Variants in CUX1 observed in about 807,000 individuals in gnomAD.
The protein encoded by CUX1 is cut like homeobox 1.
CUX1 carries 31 observed loss-of-function variants against 158.8 expected under a neutral mutation model. The ratio of observed to expected loss-of-function variants is 0.20; its 90% confidence interval spans 0.15 to 0.26. The LOEUF (loss-of-function observed/expected upper bound fraction) is 0.26, where lower values mean the gene tolerates loss of function less well. Among genes scored for constraint, CUX1 ranks in the 10% least tolerant of loss-of-function variants. The pLI is 1.00. For missense variants in CUX1, 1,589 were observed against 2,014.6 expected (o/e 0.79, Z 4.04); for synonymous variants, 879 against 862.1 (o/e 1.02, Z -0.34).
At chr7:102,282,667 G>A in intron 21 of CUX1, 3 of 1,599,546 alleles carry the variant, frequency 1.9e-6, no homozygotes, top group Non-Finnish European at 2.6e-6. Context: ...CTGCAGGGGT[G>A]GCCTTGAGGC....
chr7:102,182,661 A>G (rs1793221392), intron 11 of CUX1, among the ~76,000 whole-genome samples: 1 of 152,218 alleles, frequency 6.6e-6, no homozygotes, highest in Non-Finnish European at 1.5e-5. Flanking sequence ...GCATAGTGCC[A>G]CTTGTAAAGA....
In CUX1 at chr7:102,081,740, C is replaced by G. The variant is rs146051865; in HGVS notation, c.268+11323C>G. 2.2e-3 allele frequency among the ~76,000 whole-genome samples: 315 copies of G among 146,294 alleles called. 28 individuals are homozygous for G. The South Asian group carries it at 0.036, about 17-fold the overall frequency. ...CTCCTCCTCCTGGGTTCAAGCGATTCTCCTCCCTCAGCCTCCCTGGGATTA... is the reference window on the plus strand; with the variant it reads ...CTCCTCCTCCTGGGTTCAAGCGATTGTCCTCCCTCAGCCTCCCTGGGATTA... On this transcript the variant is annotated intron_variant, in intron 4 of 23. Transcript: ENST00000292535.
At chr7:102,208,025 A>C (rs781950719) in intron 20 of CUX1, among the ~76,000 whole-genome samples, 2 of 151,886 alleles carry the variant, frequency 1.3e-5, no homozygotes, top group African/African-American at 4.8e-5. Flanking sequence ...CCATCTCTAC[A>C]AAAAATGCAA....
intron 6 of CUX1, among the ~76,000 whole-genome samples, chr7:102,105,910 A>G (rs1204218281): frequency 7.2e-5 from 11 of 151,912 alleles, no homozygotes; most frequent in Admixed American, 5.9e-4. Flanking sequence ...GAAAAAAAAG[A>G]TACTGAATTT....
At chr7:102,072,117 A>T (rs1360362712) in intron 4 of CUX1, among the ~76,000 whole-genome samples, 1 of 152,240 alleles carries the variant, frequency 6.6e-6, no homozygotes, top group African/African-American at 2.4e-5. Context: ...GACAAAATGC[A>T]CAAAGCAAGG....
Position 102,252,192 on chromosome 7 carries a change from T to A in CUX1, c.*3150T>A, listed in dbSNP as rs1801588003. On this transcript the variant is annotated 3_prime_UTR_variant, in exon 24 of 24. Transcript: ENST00000292535. ...AAGCTAGCACTGTCTGTAATACTTCTAAGAGCTGCCACTAAAATAATACAG... is the reference window on the plus strand; with the variant it reads ...AAGCTAGCACTGTCTGTAATACTTCAAAGAGCTGCCACTAAAATAATACAG... 1.0e-6 allele frequency: 1 copy of A among 985,468 alleles called. No individual in the cohort carries two copies. The highest frequency in any genetic ancestry group is 4.7e-5 in the South Asian group (1 of 21,288). 61.0% of individuals were successfully genotyped at this position (985,468 alleles called of 1,614,324 possible). A position where few individuals can be genotyped will look rare whatever the true frequency, so the allele number is the denominator to read the frequency against.
At chr7:102,196,187 A>C (rs940629174) in intron 14 of CUX1, among the ~76,000 whole-genome samples, 4 of 152,214 alleles carry the variant, frequency 2.6e-5, no homozygotes, top group East Asian at 3.9e-4. Flanking sequence ...GCGCGCCTCC[A>C]CATCGAGGGG....
chr7:102,242,565 T>C (rs1396219016), intron 23 of CUX1, among the ~76,000 whole-genome samples: 1 of 152,218 alleles, frequency 6.6e-6, no homozygotes, highest in Non-Finnish European at 1.5e-5. Context: ...CTCCTGCAAT[T>C]CACATCCATT....
chr7:101,927,147 AACACACACACACAC>A (rs10584842), intron 2 of CUX1, among the ~76,000 whole-genome samples: 1 of 149,488 alleles, frequency 6.7e-6, no homozygotes, highest in African/African-American at 2.5e-5. Flanking sequence ...CTGTCAACAC[AACACACACACACAC>A]ACACACACAC....
chr7:102,049,343 G>A (rs10242721), intron 3 of CUX1, among the ~76,000 whole-genome samples: 10,428 of 152,252 alleles, frequency 0.068, 559 homozygotes, highest in African/African-American at 0.15. Context: ...AGCTCAGCCC[G>A]GAGGGGAGAG....
intron 12 of CUX1, 112 bp from the exon 13 acceptor site, chr7:102,193,730 G>A: frequency 1.9e-6 from 2 of 1,059,236 alleles, no homozygotes; most frequent in Non-Finnish European, 2.8e-6. Flanking sequence ...GCTTGAACCT[G>A]GGCAGAGGTT....
chr7:101,914,939 G>A (rs1234164535), intron 1 of CUX1, among the ~76,000 whole-genome samples: 1 of 152,184 alleles, frequency 6.6e-6, no homozygotes, highest in Admixed American at 6.5e-5. Flanking sequence ...AGGAAAGCCT[G>A]TGGGACTTGG....
upstream of CUX1, chr7:101,816,131 G>A: frequency 1.6e-6 from 2 of 1,232,438 alleles, no homozygotes; most frequent in Non-Finnish European, 2.1e-6. Context: ...GCCCGGGGGT[G>A]GGGGCTGCGG....
At chr7:102,131,867 T>TC (rs1342257334) in intron 8 of CUX1, among the ~76,000 whole-genome samples, 52 of 152,096 alleles carry the variant, frequency 3.4e-4, no homozygotes, top group African/African-American at 1.3e-3. Context: ...AGATGGGGTT[T>TC]CACCATGTTG....
In CUX1 at chr7:101,869,702, G is replaced by A. The variant is rs529799184; in HGVS notation, c.31-46413G>A. Among the ~76,000 whole-genome samples, 1 of 152,158 alleles carries A rather than the reference G, an allele frequency of 6.6e-6. No individual in the cohort carries two copies. The highest frequency in any genetic ancestry group is 1.5e-5 in the Non-Finnish European group (1 of 68,016). On this transcript the variant is annotated intron_variant, in intron 1 of 23. Transcript: ENST00000292535. The surrounding 1 kb of genome is among the most constrained non-coding windows in gnomAD (Gnocchi z 4.5). ...CACCATGGAAGACGGCAGGACACAC[G>A]TGCGAGCCACAGCAGGTGGGCGGGA...
At chr7:101,816,264 C>T (rs1278888191), upstream of CUX1, among the ~76,000 whole-genome samples, 3 of 145,418 alleles carry the variant, frequency 2.1e-5, no homozygotes, top group Admixed American at 1.4e-4. Context: ...TCCCGCTCCC[C>T]GGCCCCCATT....
At chr7:102,258,658 G>A (rs1354865526), downstream of CUX1, among the ~76,000 whole-genome samples, 2 of 152,196 alleles carry the variant, frequency 1.3e-5, no homozygotes, top group Non-Finnish European at 2.9e-5. Flanking sequence ...GGCTGGTGGT[G>A]GCAGCCCCAA....
At chr7:101,952,100 G>C (rs1380323007) in intron 2 of CUX1, among the ~76,000 whole-genome samples, 1 of 152,198 alleles carries the variant, frequency 6.6e-6, no homozygotes, top group Non-Finnish European at 1.5e-5. Flanking sequence ...TAGAATTGCA[G>C]ATTCTGACCA....
At chr7:102,084,117 T>A (rs990252914) in intron 4 of CUX1, among the ~76,000 whole-genome samples, 1 of 145,570 alleles carries the variant, frequency 6.9e-6, no homozygotes, top group Admixed American at 7.0e-5. Flanking sequence ...AACTCCTGAC[T>A]TCAAGTGATC....
Sources: gnomAD v4.1 joint callset for allele counts (sites outside exome capture counted in the v4.1 genomes callset) on GRCh38, gnomAD v4.1.1 for gene constraint, Gnocchi (gnomAD v3.1) non-coding constraint, MANE v1.5 for transcripts, NCBI Gene and HGNC (gene_info 2026-07-23, HGNC 2026-07-21) for gene names.